The following DDX31 variants were observed in gnomAD, a reference collection of about 807,000 sequenced individuals.
DDX31 encodes DEAD-box helicase 31, also known as ATP-dependent DNA helicase DDX31.
Under a neutral mutation model 91.3 loss-of-function variants are expected in DDX31, and 70 were observed. That is an observed-to-expected ratio of 0.77 (90% CI 0.63 to 0.94). The LOEUF is 0.94. Ranked by LOEUF, DDX31 falls within the 40% of genes least tolerant of loss-of-function variation. The pLI, the probability that DDX31 is intolerant of heterozygous loss-of-function variation, is 0.00. For missense variants in DDX31, 902 were observed against 925.0 expected, an observed-to-expected ratio of 0.98 and a Z score of 0.32; for synonymous variants, 362 against 350.6, an observed-to-expected ratio of 1.03 and a Z score of -0.36.
chr9:132,608,429 G>A (rs1008579570), intron 19 of DDX31, among the ~76,000 whole-genome samples: 10 of 152,214 alleles, frequency 6.6e-5, no homozygotes, highest in South Asian at 4.1e-4. Context: ...AAAAGTGGTC[G>A]AGTGAAGGAC....
chr9:132,612,307 C>T, intron 18 of DDX31, 52 bp from the exon 19 acceptor site: 1 of 1,607,988 alleles, frequency 6.2e-7, no homozygotes, highest in Non-Finnish European at 8.5e-7. Context: ...GGTCTCCAAG[C>T]TCCAAAGTGC....
At chr9:132,598,282 A>G (rs2119179946) in intron 19 of DDX31, among the ~76,000 whole-genome samples, 1 of 152,294 alleles carries the variant, frequency 6.6e-6, no homozygotes, top group African/African-American at 2.4e-5. Flanking sequence ...CAAGCATGCG[A>G]TGGGCACTCA....
intron 19 of DDX31, among the ~76,000 whole-genome samples, chr9:132,598,567 T>TA (rs1305008058): frequency 6.6e-6 from 1 of 152,200 alleles, no homozygotes; most frequent in African/African-American, 2.4e-5. Flanking sequence ...ACAGCCTAAT[T>TA]AGTAAATCAA....
Position 132,658,858 on chromosome 9 carries a change from A to C in DDX31, c.524-123T>G. 3 of 827,902 alleles carry C rather than the reference A, an allele frequency of 3.6e-6. No homozygotes were observed. The South Asian group carries it at 5.6e-5, about 16-fold the overall frequency. 51.3% of individuals were successfully genotyped at this position (827,902 alleles called of 1,614,324 possible). A position where few individuals can be genotyped will look rare whatever the true frequency, so the allele number is the denominator to read the frequency against. On this transcript the variant is annotated intron_variant, in intron 5 of 19. Transcript: ENST00000372159. ...TAGTACTAAATTCTAGGGAAAGGGA[A>C]ACTGCCCATTATACATCCAAGAGAA...
intron 19 of DDX31, among the ~76,000 whole-genome samples, chr9:132,597,401 G>C (rs933690733): frequency 3.9e-5 from 6 of 152,226 alleles, no homozygotes; most frequent in African/African-American, 1.4e-4. Context: ...ATGTGACAGA[G>C]TGAAAAGGGT....
chr9:132,630,854 A>C (rs1031837796), intron 15 of DDX31, among the ~76,000 whole-genome samples: 6 of 152,162 alleles, frequency 3.9e-5, no homozygotes. Flanking sequence ...GTAAGGATGA[A>C]GGGGCTCCCT....
intron 19 of DDX31, among the ~76,000 whole-genome samples, chr9:132,608,131 CG>C (rs1457700969): frequency 6.6e-6 from 1 of 152,116 alleles, no homozygotes; most frequent in African/African-American, 2.4e-5. Flanking sequence ...CTGCATTTCA[CG>C]GAAGGGAAAA....
chr9:132,661,907 G>A (rs913516445), intron 3 of DDX31, among the ~76,000 whole-genome samples: 5 of 151,994 alleles, frequency 3.3e-5, no homozygotes, highest in African/African-American at 1.2e-4. Context: ...ACCACAAATG[G>A]CTTCACCACT....
At chr9:132,651,159 C>CCT in intron 7 of DDX31, 43 bp from the exon 8 acceptor site, 3 of 1,253,240 alleles carry the variant, frequency 2.4e-6, no homozygotes, top group Non-Finnish European at 3.3e-6. Flanking sequence ...CAGGATCCCC[C>CCT]TTTTTTTTTT....
At chr9:132,669,502 A>G (rs1835573973) in intron 1 of DDX31, 2 of 1,195,530 alleles carry the variant, frequency 1.7e-6, no homozygotes, top group East Asian at 8.7e-5. Flanking sequence ...GTCCGCACTC[A>G]GTCGAGGAAA....
intron 6 of DDX31, among the ~76,000 whole-genome samples, chr9:132,656,353 A>G (rs564244504): frequency 1.3e-5 from 2 of 152,346 alleles, no homozygotes; most frequent in East Asian, 3.9e-4. Context: ...TAATAGAATG[A>G]CCGACCTGTT....
intron 19 of DDX31, among the ~76,000 whole-genome samples, chr9:132,596,504 G>A (rs1830441396): frequency 6.6e-6 from 1 of 152,228 alleles, no homozygotes; most frequent in Non-Finnish European, 1.5e-5. Context: ...GATGTAGTGA[G>A]AAGATTAGAA....
intron 1 of DDX31, 29 bp downstream of exon 1, chr9:132,669,831 G>A (rs1317977978): frequency 5.2e-6 from 8 of 1,551,980 alleles, no homozygotes; most frequent in Non-Finnish European, 6.1e-6. Context: ...CGCGGGTGGG[G>A]ACGGAGCTGA....
chr9:132,624,208 A>G (rs906994541), intron 17 of DDX31, among the ~76,000 whole-genome samples: 5 of 150,726 alleles, frequency 3.3e-5, no homozygotes, highest in Admixed American at 2.0e-4. Context: ...AAACCAAAAA[A>G]GCCCCTTAAC....
intron 17 of DDX31, 141 bp from the exon 18 acceptor site, chr9:132,618,582 G>A (rs1404809821): frequency 1.7e-6 from 1 of 603,742 alleles, no homozygotes; most frequent in Non-Finnish European, 2.7e-6. Context: ...ATATTACTAG[G>A]AAAAAAGGGA....
chr9:132,655,101 C>T (rs996174493), intron 6 of DDX31, among the ~76,000 whole-genome samples: 8 of 152,134 alleles, frequency 5.3e-5, no homozygotes, highest in African/African-American at 1.9e-4. Flanking sequence ...AATAAAAATG[C>T]ACATTCCACT....
chr9:132,646,941 G>A lies in DDX31; in HGVS notation c.1085C>T (p.Pro362Leu), dbSNP rs1025531850. The A allele has an allele frequency of 1.2e-6, 2 of 1,614,194 alleles. No individual in the cohort carries two copies. The highest frequency in any genetic ancestry group is 1.7e-6 in the Non-Finnish European group (2 of 1,180,026). Residue 362 changes from proline (P) to leucine (L), a missense_variant, in exon 12 of 20, where the codon CCA (proline) becomes CTA (leucine). Physicochemically the swap from Pro to Leu is moderately conservative, Grantham distance 98. Transcript: ENST00000372159. ...DKAVQEVCPP[P>L]AGDKLDSFAI... is the part of the protein sequence containing the mutation. ...AAAGCTGTCCAGCTTGTCGCCAGCT[G>A]GTGGAGGACAGACCTCCTGGACCGC...
chr9:132,630,523 C>T, intron 15 of DDX31, 120 bp from the exon 16 acceptor site: 1 of 1,006,354 alleles, frequency 9.9e-7, no homozygotes, highest in East Asian at 2.7e-5. Flanking sequence ...GCTATGGTTA[C>T]CCTAACACAA....
rs553951392 is a variant in DDX31, at chr9:132,593,169, T to A, written c.*1697A>T. Reference sequence around the variant, plus strand: ...TCACCATAAGAGTTAGCAGATTAAGTGTGTAAGTTTTGATCTTGGAATTAT... The same window carrying A: ...TCACCATAAGAGTTAGCAGATTAAGAGTGTAAGTTTTGATCTTGGAATTAT... On this transcript the variant is annotated 3_prime_UTR_variant, in exon 20 of 20. Coordinates refer to ENST00000372159, the MANE Select transcript of DDX31 (RefSeq NM_022779.9). 6.6e-6 allele frequency: 1 copy of A among 152,338 alleles called. No homozygotes were observed. The highest frequency in any genetic ancestry group is 2.4e-5 in the African/African-American group (1 of 41,578). The allele number at this position is 152,338 out of a possible 1,614,324, so 9.4% of individuals were successfully genotyped here. A position where few individuals can be genotyped will look rare whatever the true frequency, so the allele number is the denominator to read the frequency against.
Sources: gnomAD v4.1 joint callset for allele counts (sites outside exome capture counted in the v4.1 genomes callset) on GRCh38, gnomAD v4.1.1 for gene constraint, MANE v1.5 for transcripts, NCBI Gene and HGNC (gene_info 2026-07-23, HGNC 2026-07-21) for gene names.